Variants in CDCP2 observed in about 807,000 individuals in gnomAD.
The protein encoded by CDCP2 is CUB domain-containing protein 2.
A neutral mutation model predicts 31.0 loss-of-function variants in CDCP2; 31 were observed. That is an observed-to-expected ratio of 1.00 (90% CI 0.75 to 1.35). CDCP2 has a LOEUF of 1.35. CDCP2 is among the 40% of genes most tolerant of loss of function. CDCP2 has a pLI of 0.00. For missense variants in CDCP2, 443 were observed against 482.6 expected (o/e 0.92, Z 0.77); for synonymous variants, 206 against 207.9 (o/e 0.99, Z 0.08).
chr1:54,132,866 C>A (rs977716710), downstream of CDCP2: 5 of 397,584 alleles, frequency 1.3e-5, no homozygotes, highest in Admixed American at 1.8e-4. Context: ...GGGATATGAC[C>A]TGCCAATGGT....
chr1:54,136,969 C>G (rs1306614466), intron 4 of CDCP2, among the ~76,000 whole-genome samples, 161 bp from the exon 5 acceptor site: 2 of 152,198 alleles, frequency 1.3e-5, no homozygotes, highest in Non-Finnish European at 2.9e-5. Context: ...TGTGGGATAT[C>G]TTATACGGGT....
upstream of CDCP2, chr1:54,152,923 C>A (rs1348202459): frequency 6.2e-7 from 1 of 1,614,152 alleles, no homozygotes; most frequent in East Asian, 2.2e-5. Flanking sequence ...CTGCCAGCAT[C>A]TCCTCACCAG....
At chr1:54,139,638 C>T (rs138436244) in intron 4 of CDCP2, 115 bp downstream of exon 4, 1 of 1,493,972 alleles carries the variant, frequency 6.7e-7, no homozygotes, top group East Asian at 2.5e-5. Context: ...CTGGAGAAGA[C>T]CATTCATGGG....
chr1:54,148,689 G>A (rs1659517825), intron 1 of CDCP2, among the ~76,000 whole-genome samples: 1 of 151,366 alleles, frequency 6.6e-6, no homozygotes. Context: ...TGACGCTGGG[G>A]CTTCAACAAC....
At position 54,152,324 on chromosome 1, in the gene CDCP2, C is replaced by T. The variant is rs572932547; in HGVS notation, c.79+520G>A. ...ACTAAAAATACAAAAATTAGCTGGT[C>T]GTGGTGGCACATGCCTGTAATCCCT... On this transcript the variant is annotated intron_variant, in intron 1 of 5. Coordinates refer to ENST00000530059, the Ensembl canonical transcript of CDCP2. Among the ~76,000 whole-genome samples, 113 of 152,024 alleles carry T rather than the reference C, an allele frequency of 7.4e-4. 1 individual carries two copies. The Middle Eastern group carries it at 0.034, about 46-fold the overall frequency.
exon 6 of CDCP2, chr1:54,133,293 C>T (rs562435928): frequency 8.8e-5 from 35 of 399,132 alleles, no homozygotes; most frequent in Non-Finnish European, 1.4e-4. Flanking sequence ...GTTGTTTCTT[C>T]TCTGTGGGGT....
chr1:54,149,995 G>A (rs932278670), intron 1 of CDCP2, among the ~76,000 whole-genome samples: 3 of 152,208 alleles, frequency 2.0e-5, no homozygotes, highest in African/African-American at 7.2e-5. Flanking sequence ...TTTGCCTCTT[G>A]CAACAATAGC....
At chr1:54,144,179 A>G (rs1012602722) in intron 2 of CDCP2, 1 of 294,200 alleles carries the variant, frequency 3.4e-6, no homozygotes, top group African/African-American at 2.2e-5. Flanking sequence ...AACCCCAGCT[A>G]CAAGCATGGT....
At position 54,152,829 on chromosome 1, in the gene CDCP2, C is replaced by T. The variant is rs1371550813; in HGVS notation, c.79+15G>A. On this transcript the variant is annotated intron_variant, in intron 1 of 5. Coordinates refer to ENST00000530059, the Ensembl canonical transcript of CDCP2. ...CCTTCCCCTCTCAGTTCATGTCTGT[C>T]CCAAGAGTGCCTACCTTCCATGGCT... 1 of 1,613,358 alleles carries T rather than the reference C, an allele frequency of 6.2e-7. No homozygotes were observed. The highest frequency in any genetic ancestry group is 8.5e-7 in the Non-Finnish European group (1 of 1,179,282).
At chr1:54,139,728 G>A in intron 4 of CDCP2, 25 bp downstream of exon 4, 1 of 1,614,220 alleles carries the variant, frequency 6.2e-7, no homozygotes, top group Non-Finnish European at 8.5e-7. Flanking sequence ...GCCCTCAGTG[G>A]ACCCACTCCC....
chr1:54,146,423 G>T (rs1005054141), intron 1 of CDCP2, among the ~76,000 whole-genome samples: 1 of 151,746 alleles, frequency 6.6e-6, no homozygotes, highest in Admixed American at 6.6e-5. Flanking sequence ...CAAGTTATCC[G>T]CCTGCCTTGG....
At chr1:54,140,021 G>C (rs1557706450) in exon 4 of CDCP2, 8 of 1,613,922 alleles carry the variant, frequency 5.0e-6, no homozygotes, top group Non-Finnish European at 6.8e-6. Context: ...TGGTCCAGTG[G>C]CAGCGGATGT....
At chr1:54,140,916 G>A (rs570328435) in intron 3 of CDCP2, 182 bp downstream of exon 3, 6 of 479,282 alleles carry the variant, frequency 1.3e-5, no homozygotes, top group South Asian at 6.7e-5. Context: ...GTAAGTCTTC[G>A]CAGAGGTGAC....
intron 4 of CDCP2, 117 bp downstream of exon 4, chr1:54,139,636 G>A (rs200321812): frequency 4.9e-5 from 72 of 1,469,046 alleles, no homozygotes; most frequent in East Asian, 2.7e-5. Flanking sequence ...AGCTGGAGAA[G>A]ACCATTCATG....
chr1:54,152,986 G>A, upstream of CDCP2: 5 of 1,497,090 alleles, frequency 3.3e-6, no homozygotes, highest in Non-Finnish European at 4.6e-6. Flanking sequence ...AGGGTCCGGA[G>A]CAAGGGAAAG....
chr1:54,136,071 T>A (rs556849379), intron 5 of CDCP2, among the ~76,000 whole-genome samples: 66 of 152,272 alleles, frequency 4.3e-4, no homozygotes, highest in African/African-American at 1.5e-3. Flanking sequence ...AAAATGGACT[T>A]GTAAGGCTCA....
intron 1 of CDCP2, among the ~76,000 whole-genome samples, chr1:54,146,547 T>C (rs6704344): frequency 0.046 from 6,975 of 151,984 alleles, 336 homozygotes; most frequent in African/African-American, 0.092. Context: ...AAAGTATCAG[T>C]GTGAACTTGA....
chr1:54,135,133 A>C (rs1425533648), intron 5 of CDCP2, among the ~76,000 whole-genome samples: 5 of 151,746 alleles, frequency 3.3e-5, no homozygotes, highest in African/African-American at 1.2e-4. Context: ...GGACCCAGTG[A>C]AAGGCTAAAG....
At chr1:54,146,874 G>A (rs955887560) in intron 1 of CDCP2, among the ~76,000 whole-genome samples, 1 of 151,552 alleles carries the variant, frequency 6.6e-6, no homozygotes, top group African/African-American at 2.4e-5. Flanking sequence ...TCACCAGTTC[G>A]AGACCAGCCT....
Sources: gnomAD v4.1 joint callset for allele counts (sites outside exome capture counted in the v4.1 genomes callset) on GRCh38, gnomAD v4.1.1 for gene constraint, MANE v1.5 for transcripts, NCBI Gene and HGNC (gene_info 2026-07-23, HGNC 2026-07-21) for gene names.